The following SVIL variants were observed in gnomAD, a reference collection of about 807,000 sequenced individuals.
SVIL encodes the protein archvillin.
Under a neutral mutation model 240.4 loss-of-function variants are expected in SVIL, and 101 were observed. That is an observed-to-expected ratio of 0.42 (90% CI 0.36 to 0.50). The LOEUF (loss-of-function observed/expected upper bound fraction) is 0.50. Ranked by LOEUF, SVIL falls within the 20% of genes least tolerant of loss-of-function variation. SVIL has a pLI of 0.01. For missense variants in SVIL, 2,512 were observed against 2,818.7 expected (o/e 0.89, Z 2.46); for synonymous variants, 999 against 1,100.0 (o/e 0.91, Z 1.82).
At chr10:29,688,696 G>A (rs553985253) in intron 1 of SVIL, among the ~76,000 whole-genome samples, 3 of 152,104 alleles carry the variant, frequency 2.0e-5, no homozygotes, top group South Asian at 4.2e-4. Flanking sequence ...AGGGTAACAC[G>A]GCCCAAAAAA....
chr10:29,514,036 A>T (rs1043442165), intron 16 of SVIL, among the ~76,000 whole-genome samples: 3 of 152,194 alleles, frequency 2.0e-5, no homozygotes, highest in African/African-American at 4.8e-5. Context: ...CCGATGCTCA[A>T]ACAATTTAAA....
At chr10:29,477,654 C>T (rs1033246165) in intron 29 of SVIL, among the ~76,000 whole-genome samples, 5 of 152,196 alleles carry the variant, frequency 3.3e-5, no homozygotes, top group African/African-American at 7.2e-5. Context: ...GCGTTGGTTA[C>T]GGAGTGACTG....
intron 2 of SVIL, among the ~76,000 whole-genome samples, chr10:29,677,396 G>C (rs982613134): frequency 2.6e-5 from 4 of 152,152 alleles, no homozygotes; most frequent in African/African-American, 7.2e-5. Context: ...CCTGAATGCT[G>C]TCAGTGCTGC....
intron 21 of SVIL, among the ~76,000 whole-genome samples, chr10:29,491,447 G>T (rs893315757): frequency 6.6e-6 from 1 of 152,122 alleles, no homozygotes; most frequent in Non-Finnish European, 1.5e-5. Context: ...CGGGCTCCTT[G>T]ACGTAATCCT....
At chr10:29,673,956 G>A (rs1960004440) in intron 2 of SVIL, among the ~76,000 whole-genome samples, 1 of 152,168 alleles carries the variant, frequency 6.6e-6, no homozygotes, top group African/African-American at 2.4e-5. Flanking sequence ...TCTCATCTTT[G>A]AATGATAATG....
chr10:29,648,557 G>T (rs1167277206), intron 3 of SVIL, among the ~76,000 whole-genome samples: 1 of 152,184 alleles, frequency 6.6e-6, no homozygotes, highest in South Asian at 2.1e-4. Flanking sequence ...AGCAGCCAAT[G>T]CAGGCTTCTC....
rs527791367 is a variant in SVIL, at chr10:29,516,143, G to T, written c.3390-3282C>A. On this transcript the variant is annotated intron_variant, in intron 16 of 37. Transcript: ENST00000355867. Reference sequence around the variant, plus strand: ...CCACACCGTTTTAGGAAAGGCATAGGATTCTGGCTTTCTTATAAGGTTTTT... The same window carrying T: ...CCACACCGTTTTAGGAAAGGCATAGTATTCTGGCTTTCTTATAAGGTTTTT... 2.6e-5 allele frequency among the ~76,000 whole-genome samples: 4 copies of T among 152,296 alleles called. No individual in the cohort carries two copies. The South Asian group carries it at 8.3e-4, about 32-fold the overall frequency.
At chr10:29,697,040 AG>A (rs1303361277) in intron 1 of SVIL, among the ~76,000 whole-genome samples, 4 of 129,466 alleles carry the variant, frequency 3.1e-5, no homozygotes, top group African/African-American at 8.9e-5. Context: ...CCGCCCGGCC[AG>A]CCGCCCCGTC....
rs185191955 is a variant in SVIL at position 29,508,615 on chromosome 10, C to T, written c.3516+4120G>A. On this transcript the variant is annotated intron_variant, in intron 17 of 37. Coordinates refer to ENST00000355867, the MANE Select transcript of SVIL (RefSeq NM_021738.3). ...TCAGCCTTTCTCTCCCTCCCATCCT[C>T]GCACTTTAAAGTGACTTCATTCTCC... 5.4e-5 allele frequency: 19 copies of T among 355,060 alleles called. No homozygotes were observed. The East Asian group carries it at 7.4e-4, about 14-fold the overall frequency. The allele number at this position is 355,060 out of a possible 1,614,324, so 22.0% of individuals were successfully genotyped here. A position where few individuals can be genotyped will look rare whatever the true frequency, so the allele number is the denominator to read the frequency against.
chr10:29,607,037 G>C (rs1245325787), intron 1 of SVIL, among the ~76,000 whole-genome samples: 1 of 152,186 alleles, frequency 6.6e-6, no homozygotes, highest in Non-Finnish European at 1.5e-5. Flanking sequence ...TTACAGGCAT[G>C]AGCCACTATG....
chr10:29,461,703 T>G (rs1944279457), intron 36 of SVIL, among the ~76,000 whole-genome samples: 1 of 152,232 alleles, frequency 6.6e-6, no homozygotes, highest in South Asian at 2.1e-4. Context: ...CATTCTAGAT[T>G]ATAATATATT....
intron 17 of SVIL, among the ~76,000 whole-genome samples, chr10:29,511,340 T>G (rs1195420682): frequency 7.2e-6 from 1 of 138,076 alleles, no homozygotes; most frequent in African/African-American, 2.6e-5. Flanking sequence ...GCTTTTTGGC[T>G]TCATTTAAAT....
intron 5 of SVIL, among the ~76,000 whole-genome samples, chr10:29,551,489 C>A (rs1379491616): frequency 1.3e-5 from 2 of 152,248 alleles, no homozygotes; most frequent in African/African-American, 4.8e-5. Flanking sequence ...GCACGTTCTG[C>A]AAGCCCCGTA....
chr10:29,612,928 A>G (rs1957299365), intron 1 of SVIL, among the ~76,000 whole-genome samples: 1 of 152,112 alleles, frequency 6.6e-6, no homozygotes, highest in Admixed American at 6.6e-5. Context: ...TTGTAATCCC[A>G]GCGCTTTGGG....
intron 1 of SVIL, among the ~76,000 whole-genome samples, chr10:29,700,022 T>C (rs1252250995): frequency 6.6e-6 from 1 of 152,244 alleles, no homozygotes; most frequent in Non-Finnish European, 1.5e-5. Context: ...AATTGGTTTT[T>C]TTCTTCAAGA....
At chr10:29,467,501 A>AT (rs1279798966) in intron 33 of SVIL, among the ~76,000 whole-genome samples, 2 of 152,198 alleles carry the variant, frequency 1.3e-5, no homozygotes, top group African/African-American at 4.8e-5. Flanking sequence ...TCAGCTGGAC[A>AT]TAATACTCAT....
intron 1 of SVIL, among the ~76,000 whole-genome samples, chr10:29,692,718 C>G (rs1484423613): frequency 6.6e-6 from 1 of 151,848 alleles, no homozygotes; most frequent in East Asian, 1.9e-4. Flanking sequence ...GTTTCAAACT[C>G]CTGGGCTCAA....
intron 1 of SVIL, among the ~76,000 whole-genome samples, chr10:29,627,934 C>A (rs995803034): frequency 6.6e-6 from 1 of 152,208 alleles, no homozygotes; most frequent in Non-Finnish European, 1.5e-5. Context: ...ACTATCAGCA[C>A]AATTTAGAGA....
At chr10:29,705,255 G>A (rs183908190) in intron 1 of SVIL, among the ~76,000 whole-genome samples, 1 of 152,256 alleles carries the variant, frequency 6.6e-6, no homozygotes, top group East Asian at 1.9e-4. Flanking sequence ...AAGGATAAAG[G>A]TGTGTGTGGT....
Sources: allele counts gnomAD v4.1 joint callset (sites outside exome capture counted in the v4.1 genomes callset), GRCh38; gene constraint gnomAD v4.1.1; transcripts MANE v1.5; gene names NCBI Gene and HGNC (gene_info 2026-07-23, HGNC 2026-07-21).